CFAP20DC: variants seen among roughly 807,000 people sequenced by gnomAD.
CFAP20DC encodes the protein CFAP20 domain containing.
Under a neutral mutation model 101.7 loss-of-function variants are expected in CFAP20DC, and 84 were observed. The ratio of observed to expected loss-of-function variants is 0.83; its 90% CI spans 0.69 to 0.99. CFAP20DC has a LOEUF of 0.99. CFAP20DC is among the 50% of genes least tolerant of loss of function. The pLI, the probability that CFAP20DC is intolerant of heterozygous loss-of-function variation, is 0.00. For missense variants in CFAP20DC, 1,007 were observed against 970.3 expected (o/e 1.04, Z -0.50); for synonymous variants, 359 against 351.2 (o/e 1.02, Z -0.25).
chr3:58,842,818 C>G (rs139987814), intron 13 of CFAP20DC, among the ~76,000 whole-genome samples: 2,054 of 152,320 alleles, frequency 0.013, 38 homozygotes, highest in African/African-American at 0.046. Context: ...GGAGATCTGA[C>G]AACCGGCAGA....
At chr3:58,977,026 T>C (rs1270069533) in intron 4 of CFAP20DC, among the ~76,000 whole-genome samples, 1 of 152,220 alleles carries the variant, frequency 6.6e-6, no homozygotes, top group Non-Finnish European at 1.5e-5. Context: ...TGATTAATAG[T>C]ACAAGTGTTT....
chr3:58,719,782 C>T (rs1295364165), intron 3 of CFAP20DC, among the ~76,000 whole-genome samples: 1 of 152,220 alleles, frequency 6.6e-6, no homozygotes, highest in Non-Finnish European at 1.5e-5. Flanking sequence ...GCTGAAAGCA[C>T]AGAGGTGAGG....
intron 4 of CFAP20DC, among the ~76,000 whole-genome samples, chr3:58,940,186 C>T (rs1005375168): frequency 2.3e-4 from 35 of 152,194 alleles, no homozygotes; most frequent in Non-Finnish European, 2.5e-4. Context: ...ATACATTCAA[C>T]AAAGACTGAG....
Position 58,722,124 on chromosome 3 carries a change from G to A in CFAP20DC, c.198-4496C>T, listed in dbSNP as rs1249740442. Among the ~76,000 whole-genome samples, 13 of 152,338 alleles carry A rather than the reference G, an allele frequency of 8.5e-5. No homozygotes were observed. The East Asian group carries it at 2.3e-3, about 27-fold the overall frequency. ...ATTCTGGGAGAGAGTCAAGCCATGTGGAGAGGCCACATGTAGACCCTCTGG... is the reference window on the plus strand; with the variant it reads ...ATTCTGGGAGAGAGTCAAGCCATGTAGAGAGGCCACATGTAGACCCTCTGG... On this transcript the variant is annotated intron_variant, in intron 3 of 3. Coordinates refer to the CFAP20DC transcript ENST00000486145. The surrounding 1 kb of genome is among the most constrained non-coding windows in gnomAD (Gnocchi z 4.5).
intron 15 of CFAP20DC, among the ~76,000 whole-genome samples, chr3:58,764,114 C>G (rs1299283345): frequency 6.6e-6 from 1 of 152,192 alleles, no homozygotes; most frequent in African/African-American, 2.4e-5. Flanking sequence ...TTTTGTTTGG[C>G]TATGCCCTGC....
chr3:58,995,898 T>C (rs2093106000), intron 4 of CFAP20DC, among the ~76,000 whole-genome samples: 1 of 152,182 alleles, frequency 6.6e-6, no homozygotes, highest in South Asian at 2.1e-4. Flanking sequence ...TTGGTTCTTC[T>C]GACTTTTCAG....
At chr3:58,962,042 C>A (rs988373597) in intron 4 of CFAP20DC, among the ~76,000 whole-genome samples, 1 of 152,064 alleles carries the variant, frequency 6.6e-6, no homozygotes, top group African/African-American at 2.4e-5. Context: ...CCAGTATTTT[C>A]CTTCTGCTTT....
intron 15 of CFAP20DC, among the ~76,000 whole-genome samples, chr3:58,804,324 T>G (rs1433133628): frequency 6.6e-6 from 1 of 152,050 alleles, no homozygotes; most frequent in African/African-American, 2.4e-5. Flanking sequence ...GTCTAACATA[T>G]CTTACTATCA....
chr3:58,753,760 T>G lies in CFAP20DC; in HGVS notation c.2332+9A>C, dbSNP rs777913585. Reference sequence around the variant, plus strand: ...ATTTTCTTATGCATATCGTTTTTCATAGTCCCACCTTGAACACTCAAACTT... The same window carrying G: ...ATTTTCTTATGCATATCGTTTTTCAGAGTCCCACCTTGAACACTCAAACTT... On this transcript the variant is annotated intron_variant, in intron 16 of 16. Coordinates refer to ENST00000482387, the MANE Select transcript of CFAP20DC (RefSeq NM_001394063.1). The G allele has an allele frequency of 6.3e-7, 1 of 1,585,818 alleles. No individual in the cohort carries two copies. Among genetic ancestry groups the G allele is most frequent in the Non-Finnish European group, 8.7e-7 (1 of 1,156,046 alleles).
chr3:59,049,725 C>A lies in CFAP20DC; in HGVS notation c.-94G>T. 1 of 1,463,754 alleles carries A rather than the reference C, an allele frequency of 6.8e-7. No homozygotes were observed. The highest frequency in any genetic ancestry group is 9.1e-7 in the Non-Finnish European group (1 of 1,095,168). The allele number at this position is 1,463,754 out of a possible 1,614,324, so 90.7% of individuals were successfully genotyped here. On this transcript the variant is annotated 5_prime_UTR_variant, in exon 1 of 17. Coordinates refer to ENST00000482387, the MANE Select transcript of CFAP20DC (RefSeq NM_001394063.1). The stretch of plus-strand genomic sequence containing the variant: ...GGCTGGAAATCGGCTGGCGGGAACC[C>A]AGGAGCCCGACGGGTGGGAAAGGGC...
intron 5 of CFAP20DC, among the ~76,000 whole-genome samples, chr3:58,929,982 C>T (rs2086415344): frequency 1.3e-5 from 2 of 152,104 alleles, no homozygotes; most frequent in Non-Finnish European, 2.9e-5. Context: ...CTTAATGCTG[C>T]TTGTTCTCTT....
At chr3:59,008,807 A>G (rs1467146690) in intron 4 of CFAP20DC, among the ~76,000 whole-genome samples, 1 of 152,102 alleles carries the variant, frequency 6.6e-6, no homozygotes, top group South Asian at 2.1e-4. Flanking sequence ...ACATGTATAC[A>G]TATGTAACAA....
At chr3:58,719,216 C>G (rs991886506) in intron 3 of CFAP20DC, among the ~76,000 whole-genome samples, 1 of 152,192 alleles carries the variant, frequency 6.6e-6, no homozygotes, top group Non-Finnish European at 1.5e-5. Context: ...GTACTCCAGC[C>G]TGGATGACAG....
rs2072552273 is a variant in CFAP20DC at position 58,788,287 on chromosome 3, G to C, written c.2237+18108C>G. 6.6e-6 allele frequency among the ~76,000 whole-genome samples: 1 copy of C among 152,048 alleles called. No individual in the cohort carries two copies. The highest frequency in any genetic ancestry group is 1.5e-5 in the Non-Finnish European group (1 of 68,016). On this transcript the variant is annotated intron_variant, in intron 15 of 16. Coordinates refer to ENST00000482387, the MANE Select transcript of CFAP20DC (RefSeq NM_001394063.1). This position sits in a 1 kb window ranked among gnomAD's most constrained non-coding sequence, Gnocchi z 4.2. ...GATTTGGGGCCGTCTATTGGAGATG[G>C]ATGTTTCTAATATAATGGGCCCCTC...
chr3:58,878,627 CAAGAG>C (rs954591884), intron 7 of CFAP20DC, among the ~76,000 whole-genome samples: 16 of 151,960 alleles, frequency 1.1e-4, no homozygotes, highest in Non-Finnish European at 2.9e-5. Flanking sequence ...GGAAATAAGG[CAAGAG>C]AAGAAGAGAA....
At chr3:58,873,948 G>A (rs923632325) in intron 7 of CFAP20DC, among the ~76,000 whole-genome samples, 4 of 152,172 alleles carry the variant, frequency 2.6e-5, no homozygotes, top group African/African-American at 9.7e-5. Flanking sequence ...CAGAAGTCTG[G>A]ATAGCTGTTC....
chr3:58,926,353 G>A (rs1380560534), intron 5 of CFAP20DC, among the ~76,000 whole-genome samples: 1 of 151,466 alleles, frequency 6.6e-6, no homozygotes, highest in Non-Finnish European at 1.5e-5. Context: ...GCGACAGAGT[G>A]CGTGAGACTC....
chr3:58,952,272 A>G (rs1173550563), intron 4 of CFAP20DC, among the ~76,000 whole-genome samples: 1 of 152,230 alleles, frequency 6.6e-6, no homozygotes, highest in Admixed American at 6.5e-5. Flanking sequence ...GGAAAATACC[A>G]GAAATAAATA....
intron 15 of CFAP20DC, among the ~76,000 whole-genome samples, chr3:58,786,974 T>C (rs1174496690): frequency 6.6e-6 from 1 of 151,936 alleles, no homozygotes; most frequent in African/African-American, 2.4e-5. Flanking sequence ...GGTTTGGCAC[T>C]ATCTGTCGTT....
Sources: allele counts gnomAD v4.1 joint callset (sites outside exome capture counted in the v4.1 genomes callset), GRCh38; gene constraint gnomAD v4.1.1; non-coding constraint Gnocchi (gnomAD v3.1); transcripts MANE v1.5; gene names NCBI Gene and HGNC (gene_info 2026-07-23, HGNC 2026-07-21).